Variants in KLHL4 observed in about 807,000 individuals in gnomAD.
KLHL4 encodes the protein kelch-like protein 4.
Under a neutral mutation model 45.8 loss-of-function variants are expected in KLHL4, and 17 were observed. That is an observed-to-expected ratio of 0.37 (90% CI 0.25 to 0.56). KLHL4 has a LOEUF of 0.56. Ranked by LOEUF, KLHL4 falls within the 20% of genes least tolerant of loss-of-function variation. The pLI is 0.79. For missense variants in KLHL4, 544 were observed against 544.9 expected (o/e 1.00, Z 0.02); for synonymous variants, 224 against 189.9 (o/e 1.18, Z -1.47).
intron 1 of KLHL4, among the ~76,000 whole-genome samples, chrX:87,561,479 TAAAC>T (rs1325546180): frequency 2.7e-5 from 3 of 111,618 alleles, no homozygotes; most frequent in Non-Finnish European, 5.6e-5. Context: ...AGGGAGCACT[TAAAC>T]AAGTGATTAG....
intron 1 of KLHL4, among the ~76,000 whole-genome samples, chrX:87,581,685 C>T (rs1427392323): frequency 8.9e-6 from 1 of 111,935 alleles, no homozygotes; most frequent in Non-Finnish European, 1.9e-5. Context: ...CAAAAAAAAC[C>T]AGAAAAACTC....
intron 9 of KLHL4, 130 bp downstream of exon 9, chrX:87,635,905 C>A: frequency 2.3e-6 from 1 of 429,847 alleles, no homozygotes; most frequent in Non-Finnish European, 3.8e-6. Flanking sequence ...TTAAATAGTA[C>A]AACGGGAATC....
At position 87,633,814 on chromosome X, in the gene KLHL4, A is replaced by G; in HGVS notation, c.1615A>G (p.Thr539Ala). 2 of 1,208,395 alleles carry G rather than the reference A, an allele frequency of 1.7e-6. No homozygotes were observed. The highest frequency in any genetic ancestry group is 2.2e-6 in the Non-Finnish European group (2 of 892,806). ...GGHDGWSYLNTVERWDPEGRQ... is the reference protein window; with the variant it reads ...GGHDGWSYLNAVERWDPEGRQ... ...TCATGATGGATGGAGCTATCTAAATACTGTAGAAAGATGGGACCCTGAGGG... is the reference window on the plus strand; with the variant it reads ...TCATGATGGATGGAGCTATCTAAATGCTGTAGAAAGATGGGACCCTGAGGG... Residue 539 changes from threonine (T) to alanine (A), a missense_variant, in exon 8 of 11, where the codon ACT becomes GCT. Thr to Ala is a moderately conservative substitution (Grantham distance 58). Transcript: ENST00000373119.
intron 1 of KLHL4, among the ~76,000 whole-genome samples, chrX:87,546,489 T>A (rs1444709249): frequency 1.8e-5 from 2 of 112,396 alleles, no homozygotes; most frequent in African/African-American, 6.5e-5. Flanking sequence ...AGAGGGCTGC[T>A]GCAGGGAGAA....
chrX:87,549,603 T>A (rs773072934), intron 1 of KLHL4, among the ~76,000 whole-genome samples: 4 of 111,422 alleles, frequency 3.6e-5, no homozygotes, highest in Non-Finnish European at 7.6e-5. Context: ...AAACTAGAAT[T>A]TAATAACAAG....
chrX:87,573,749 T>C (rs1259399654), intron 1 of KLHL4, among the ~76,000 whole-genome samples: 1 of 111,864 alleles, frequency 8.9e-6, no homozygotes, highest in Non-Finnish European at 1.9e-5. Flanking sequence ...TGTTTCACTA[T>C]ACCTGATGAT....
At chrX:87,567,952 CTAAAA>C (rs1462931534) in intron 1 of KLHL4, among the ~76,000 whole-genome samples, 3 of 110,608 alleles carry the variant, frequency 2.7e-5, no homozygotes, top group African/African-American at 9.9e-5. Context: ...CTCCCTGAAT[CTAAAA>C]TAAAAGTTGA....
chrX:87,615,098 T>C (rs1183705689), intron 3 of KLHL4, among the ~76,000 whole-genome samples: 1 of 111,497 alleles, frequency 9.0e-6, no homozygotes, highest in African/African-American at 3.2e-5. Context: ...TTAAAATATT[T>C]TTATTTGATT....
chrX:87,614,676 C>A, intron 3 of KLHL4, 106 bp downstream of exon 3: 1 of 671,699 alleles, frequency 1.5e-6, no homozygotes. Context: ...TACTATTCTT[C>A]ATAGTAGTAA....
Position 87,669,243 on chromosome X carries a change from G to A in KLHL4, c.*2709G>A. 6.0e-6 allele frequency: 7 copies of A among 1,162,248 alleles called. No homozygotes were observed. The highest frequency in any genetic ancestry group is 8.1e-6 in the Non-Finnish European group (7 of 868,549). ...ATTTTTTTCTATAATCACTATGACC[G>A]TGTTCACGATTCCCTACTCTGCAAC... On this transcript the variant is annotated 3_prime_UTR_variant, in exon 11 of 11. Coordinates refer to ENST00000373119, the MANE Select transcript of KLHL4 (RefSeq NM_019117.5).
chrX:87,531,456 AAC>A (rs1196867577), intron 1 of KLHL4, among the ~76,000 whole-genome samples: 1 of 110,870 alleles, frequency 9.0e-6, no homozygotes. Flanking sequence ...AGGTGTAAGG[AAC>A]ATAGTGTTGG....
rs770658450 is a variant in KLHL4, at chrX:87,632,199, C to T, written c.1325-11C>T. Reference sequence around the variant, plus strand: ...AGTAGATTTTACCGTTGTTCAATATCCCTTTGTCAGGTACTACTACTATTG... The same window carrying T: ...AGTAGATTTTACCGTTGTTCAATATTCCTTTGTCAGGTACTACTACTATTG... On this transcript the variant is annotated splice_polypyrimidine_tract_variant and intron_variant, in intron 6 of 10. Coordinates refer to ENST00000373119, the MANE Select transcript of KLHL4 (RefSeq NM_019117.5). The T allele has an allele frequency of 1.6e-5, 17 of 1,058,379 alleles. No homozygotes were observed. The highest frequency in any genetic ancestry group is 3.0e-5 in the East Asian group (1 of 33,005). 87.2% of individuals were successfully genotyped at this position (1,058,379 alleles called of 1,213,427 possible).
At position 87,600,006 on chromosome X, in the gene KLHL4, C is replaced by T. The variant is rs1921956651; in HGVS notation, c.423-13871C>T. Among the ~76,000 whole-genome samples the T allele has an allele frequency of 2.7e-5, 3 of 112,208 alleles. No individual in the cohort carries two copies. The South Asian group carries it at 1.1e-3, about 41-fold the overall frequency. ...TCAAATACGTTTCAATTACTTGATA[C>T]AGAAGTGATATAGTTTGGATATTTG... is the stretch of plus-strand genomic sequence containing the variant. On this transcript the variant is annotated intron_variant, in intron 1 of 10. Coordinates refer to ENST00000373119, the MANE Select transcript of KLHL4 (RefSeq NM_019117.5).
At chrX:87,557,848 A>G (rs1260659574) in intron 1 of KLHL4, among the ~76,000 whole-genome samples, 1 of 111,750 alleles carries the variant, frequency 8.9e-6, no homozygotes, top group Non-Finnish European at 1.9e-5. Context: ...CTTTATCCCA[A>G]TAGACACTTT....
intron 9 of KLHL4, among the ~76,000 whole-genome samples, chrX:87,636,481 A>T (rs1923266588): frequency 8.9e-6 from 1 of 111,957 alleles, no homozygotes; most frequent in Non-Finnish European, 1.9e-5. Flanking sequence ...GAGAATCCAC[A>T]GACCCTCTGA....
At chrX:87,660,871 C>A (rs1602470829) in intron 9 of KLHL4, among the ~76,000 whole-genome samples, 1 of 111,678 alleles carries the variant, frequency 9.0e-6, no homozygotes, top group African/African-American at 3.3e-5. Context: ...AACAAACAAA[C>A]AAAAAACTGC....
At chrX:87,647,924 T>A (rs146006857) in intron 9 of KLHL4, among the ~76,000 whole-genome samples, 3 of 111,304 alleles carry the variant, frequency 2.7e-5, no homozygotes, top group Non-Finnish European at 5.7e-5. Flanking sequence ...GAAATTAATC[T>A]GTAAAGAGAT....
chrX:87,610,776 T>C (rs1011117482), intron 1 of KLHL4, among the ~76,000 whole-genome samples: 36 of 111,600 alleles, frequency 3.2e-4, no homozygotes, highest in African/African-American at 1.1e-3. Flanking sequence ...ATTAGGTGAT[T>C]AAAACAAGCC....
intron 1 of KLHL4, among the ~76,000 whole-genome samples, chrX:87,609,193 T>C (rs148000960): frequency 0.042 from 4,696 of 112,113 alleles, 256 homozygotes; most frequent in African/African-American, 0.15. Context: ...AAGTCTTTGC[T>C]ACTGTGAACA....
Sources: gnomAD v4.1 joint callset for allele counts (sites outside exome capture counted in the v4.1 genomes callset) on GRCh38, gnomAD v4.1.1 for gene constraint, MANE v1.5 for transcripts, NCBI Gene and HGNC (gene_info 2026-07-23, HGNC 2026-07-21) for gene names.